CACNA1E: variants seen among roughly 807,000 people sequenced by gnomAD.
CACNA1E encodes the protein voltage-dependent R-type calcium channel subunit alpha-1E.
A neutral mutation model predicts 259.2 loss-of-function variants in CACNA1E; 40 were observed. The ratio of observed to expected loss-of-function variants is 0.15; its 90% CI spans 0.12 to 0.20. The LOEUF (loss-of-function observed/expected upper bound fraction) is 0.20. Among genes scored for constraint, CACNA1E ranks in the 10% least tolerant of loss-of-function variants. CACNA1E has a pLI of 1.00. For missense variants in CACNA1E, 1,874 were observed against 3,040.1 expected, an observed-to-expected ratio of 0.62 and a Z score of 9.02; for synonymous variants, 1,104 against 1,138.5, an observed-to-expected ratio of 0.97 and a Z score of 0.61.
At chr1:181,341,386 G>T (rs12756919) in intron 1 of CACNA1E, among the ~76,000 whole-genome samples, 78,807 of 152,014 alleles carry the variant, frequency 0.52, 20,778 homozygotes, top group Non-Finnish European at 0.56. Context: ...GACACCCAGA[G>T]TGTCTCATGC....
chr1:181,625,773 T>C (rs1294370966), intron 6 of CACNA1E, among the ~76,000 whole-genome samples: 2 of 152,230 alleles, frequency 1.3e-5, no homozygotes, highest in African/African-American at 4.8e-5. Flanking sequence ...TCGACAACTT[T>C]TTCTTGCACT....
intron 6 of CACNA1E, among the ~76,000 whole-genome samples, chr1:181,594,003 A>G (rs919353085): frequency 3.9e-5 from 6 of 152,206 alleles, no homozygotes; most frequent in African/African-American, 1.4e-4. Context: ...TTCAACTTGA[A>G]ACTGGATTTA....
At chr1:181,549,760 A>G (rs1443606917) in intron 3 of CACNA1E, among the ~76,000 whole-genome samples, 1 of 152,188 alleles carries the variant, frequency 6.6e-6, no homozygotes, top group Non-Finnish European at 1.5e-5. Flanking sequence ...CAACAGGTGC[A>G]GGCATGGAGA....
intron 3 of CACNA1E, among the ~76,000 whole-genome samples, chr1:181,552,373 G>A (rs1252221452): frequency 6.6e-6 from 1 of 152,200 alleles, no homozygotes; most frequent in Non-Finnish European, 1.5e-5. Context: ...GGACAGAAAT[G>A]ATGATGGAAT....
Position 181,758,094 on chromosome 1 carries a change from G to T in CACNA1E, c.4477G>T (p.Val1493Phe), listed in dbSNP as rs1658247597. The T allele has an allele frequency of 3.1e-6, 5 of 1,613,792 alleles. No individual in the cohort carries two copies. Among genetic ancestry groups the T allele is most frequent in the Non-Finnish European group, 4.2e-6 (5 of 1,179,848 alleles). ...TATGGCCATGATCGCCTTGAATACT[G>T]TTGTGCTGATGATGAAGGTGAGAGG... ...TIMAMIALNTVVLMMKYYSAP... is the reference protein window; with the variant it reads ...TIMAMIALNTFVLMMKYYSAP... The change falls in exon 31 of 48, where the codon GTT becomes TTT. Residue 1493 changes from valine (V) to phenylalanine (F), a missense_variant. Val to Phe is a conservative substitution (Grantham distance 50). Around this residue, in one of 14 missense-constraint regions of CACNA1E, gnomAD observed 188 missense variants for 540.6 expected, o/e 0.35. Coordinates refer to ENST00000367573, the MANE Select transcript of CACNA1E (RefSeq NM_001205293.3). This position sits in a 1 kb window ranked among gnomAD's most constrained non-coding sequence, Gnocchi z 4.2.
At chr1:181,519,653 G>A (rs896208385) in intron 3 of CACNA1E, among the ~76,000 whole-genome samples, 1 of 152,128 alleles carries the variant, frequency 6.6e-6, no homozygotes, top group African/African-American at 2.4e-5. Context: ...TTTAGATGGG[G>A]TGTGGTGAGC....
At chr1:181,689,894 GA>G (rs1222192988) in intron 7 of CACNA1E, among the ~76,000 whole-genome samples, 1 of 152,066 alleles carries the variant, frequency 6.6e-6, no homozygotes, top group Admixed American at 6.6e-5. Context: ...CAAATGGATA[GA>G]TTGCCAAAGT....
At chr1:181,585,839 A>G (rs1652006683) in intron 6 of CACNA1E, among the ~76,000 whole-genome samples, 2 of 152,178 alleles carry the variant, frequency 1.3e-5, no homozygotes, top group Admixed American at 6.5e-5. Flanking sequence ...GGAAAGTAGG[A>G]GATGGAATAG....
chr1:181,565,110 G>A (rs934329419), intron 3 of CACNA1E, among the ~76,000 whole-genome samples: 2 of 152,164 alleles, frequency 1.3e-5, no homozygotes, highest in African/African-American at 4.8e-5. Flanking sequence ...AAGAGAGTCA[G>A]CCTGTCTTTT....
intron 3 of CACNA1E, among the ~76,000 whole-genome samples, chr1:181,574,129 G>A (rs906400466): frequency 1.3e-5 from 2 of 152,168 alleles, no homozygotes; most frequent in Admixed American, 6.5e-5. Flanking sequence ...CCTCTCACGG[G>A]TAAGTGTGGG....
intron 3 of CACNA1E, among the ~76,000 whole-genome samples, chr1:181,538,244 T>A (rs1475073836): frequency 2.6e-5 from 4 of 152,244 alleles, no homozygotes; most frequent in Non-Finnish European, 4.4e-5. Context: ...ATAAATTAGG[T>A]AATGAGTTTT....
chr1:181,511,142 G>A (rs1336880052), intron 2 of CACNA1E, among the ~76,000 whole-genome samples: 5 of 152,152 alleles, frequency 3.3e-5, no homozygotes, highest in Admixed American at 6.5e-5. Flanking sequence ...TAGCCCCTGG[G>A]TGTGACCCTC....
At chr1:181,472,492 A>T (rs927164910) in intron 2 of CACNA1E, among the ~76,000 whole-genome samples, 12 of 152,210 alleles carry the variant, frequency 7.9e-5, no homozygotes, top group African/African-American at 2.9e-4. Context: ...TAAATCTCAA[A>T]TGTACACAAT....
chr1:181,457,190 C>T (rs960600632), intron 2 of CACNA1E, among the ~76,000 whole-genome samples: 1 of 152,218 alleles, frequency 6.6e-6, no homozygotes, highest in Non-Finnish European at 1.5e-5. Flanking sequence ...TCCACTGTAA[C>T]CTTACAAGGT....
At chr1:181,651,490 G>A (rs1658752510) in intron 7 of CACNA1E, 49 bp downstream of exon 7, 1 of 1,270,314 alleles carries the variant, frequency 7.9e-7, no homozygotes, top group African/African-American at 1.5e-5. Context: ...ACTGCTAACT[G>A]TAAACTAATG....
intron 6 of CACNA1E, among the ~76,000 whole-genome samples, chr1:181,624,670 C>G (rs1266034302): frequency 6.6e-6 from 1 of 152,138 alleles, no homozygotes; most frequent in Non-Finnish European, 1.5e-5. Context: ...CAGTTACTTC[C>G]TCCACTGAAG....
intron 7 of CACNA1E, among the ~76,000 whole-genome samples, chr1:181,686,815 G>C (rs1650630820): frequency 6.6e-6 from 1 of 152,210 alleles, no homozygotes; most frequent in African/African-American, 2.4e-5. Context: ...CATGTGAAGA[G>C]TTTCCCTGCA....
At position 181,804,945 on chromosome 1, in the gene CACNA1E, C is replaced by CTTT; in HGVS notation, c.*6119_*6121dup. ...TAATTAAAAAAAAAAAAAACCTAGGCTTTTTTTTTTCTATCCAGAAAGTTG... is the reference window on the plus strand; with the variant it reads ...TAATTAAAAAAAAAAAAAACCTAGGCTTTTTTTTTTTTTCTATCCAGAAAGTTG... On this transcript the variant is annotated 3_prime_UTR_variant, in exon 48 of 48. Coordinates refer to ENST00000367573, the MANE Select transcript of CACNA1E (RefSeq NM_001205293.3). The CTTT allele has an allele frequency of 6.9e-6, 1 of 144,102 alleles. No individual in the cohort carries two copies. Among genetic ancestry groups the CTTT allele is most frequent in the Non-Finnish European group, 1.5e-5 (1 of 65,356 alleles). The allele number at this position is 144,102 out of a possible 1,614,324, so 8.9% of individuals were successfully genotyped here. A position where few individuals can be genotyped will look rare whatever the true frequency, so the allele number is the denominator to read the frequency against.
At chr1:181,720,384 C>T (rs116114878) in intron 14 of CACNA1E, 47 bp downstream of exon 14, 90 of 1,587,058 alleles carry the variant, frequency 5.7e-5, no homozygotes, top group African/African-American at 6.7e-5. Context: ...AAAACCCAGT[C>T]GTAGCCTGTG....
Sources: gnomAD v4.1 joint callset for allele counts (sites outside exome capture counted in the v4.1 genomes callset) on GRCh38, gnomAD v4.1.1 for gene constraint, gnomAD v4.1.1 regional missense constraint, Gnocchi (gnomAD v3.1) non-coding constraint, MANE v1.5 for transcripts, NCBI Gene and HGNC (gene_info 2026-07-23, HGNC 2026-07-21) for gene names.